TBC1D22A: variants seen among roughly 807,000 people sequenced by gnomAD.
TBC1D22A encodes TBC1 domain family member 22A, also known as putative GTPase activator.
A neutral mutation model predicts 60.2 loss-of-function variants in TBC1D22A; 38 were observed. The observed-to-expected ratio is 0.63, with a 90% CI of 0.49 to 0.83. TBC1D22A has a LOEUF of 0.83. Among genes scored for constraint, TBC1D22A ranks in the 40% least tolerant of loss-of-function variants. TBC1D22A has a pLI of 0.00. For synonymous variants in TBC1D22A, 302 were observed against 281.7 expected (o/e 1.07, Z -0.72); for missense variants, 628 against 701.0 (o/e 0.90, Z 1.18).
At chr22:47,064,239 G>A (rs1452316213) in intron 11 of TBC1D22A, among the ~76,000 whole-genome samples, 1 of 152,234 alleles carries the variant, frequency 6.6e-6, no homozygotes, top group Admixed American at 6.5e-5. Context: ...CTCCTCTCCC[G>A]CTCAGCAGTT....
intron 11 of TBC1D22A, among the ~76,000 whole-genome samples, chr22:47,081,249 A>G (rs1399783871): frequency 1.3e-5 from 2 of 152,204 alleles, no homozygotes; most frequent in Non-Finnish European, 2.9e-5. Flanking sequence ...GGGGAAAACC[A>G]TATGACCATG....
At chr22:47,137,444 A>C (rs2066916533) in intron 12 of TBC1D22A, among the ~76,000 whole-genome samples, 1 of 152,130 alleles carries the variant, frequency 6.6e-6, no homozygotes, top group African/African-American at 2.4e-5. Flanking sequence ...ACTGCCCCTT[A>C]GCGAGGAGCC....
intron 8 of TBC1D22A, among the ~76,000 whole-genome samples, chr22:46,937,588 A>C (rs969213951): frequency 6.6e-6 from 1 of 152,246 alleles, no homozygotes; most frequent in African/African-American, 2.4e-5. Flanking sequence ...CTTCTAAAAA[A>C]AAAGTTATTT....
At chr22:46,769,578 C>T (rs146962902) in intron 1 of TBC1D22A, among the ~76,000 whole-genome samples, 2 of 152,182 alleles carry the variant, frequency 1.3e-5, no homozygotes, top group Non-Finnish European at 2.9e-5. Flanking sequence ...CAGCAGGAAC[C>T]GATCTGGCTG....
At chr22:46,934,439 G>A (rs1051299847) in intron 8 of TBC1D22A, among the ~76,000 whole-genome samples, 1 of 152,188 alleles carries the variant, frequency 6.6e-6, no homozygotes, top group Non-Finnish European at 1.5e-5. Flanking sequence ...TATCTTGGAG[G>A]GTTGTTAGGA....
intron 9 of TBC1D22A, among the ~76,000 whole-genome samples, chr22:46,981,963 A>G (rs1233309463): frequency 1.3e-5 from 2 of 152,132 alleles, no homozygotes; most frequent in African/African-American, 4.8e-5. Flanking sequence ...ACCAGCAGTT[A>G]CTAGGGAGCC....
At chr22:47,116,151 C>T (rs1263444000) in intron 12 of TBC1D22A, 1 of 152,272 alleles carries the variant, frequency 6.6e-6, no homozygotes, top group Non-Finnish European at 1.5e-5. Context: ...AGGGGGCCGC[C>T]CACGCGGGAT....
At chr22:46,805,026 C>T (rs1169242205) in intron 4 of TBC1D22A, among the ~76,000 whole-genome samples, 2 of 152,160 alleles carry the variant, frequency 1.3e-5, no homozygotes, top group East Asian at 3.8e-4. Context: ...TCCCCAGGGA[C>T]TCATTGCTCC....
At chr22:46,969,057 C>A (rs193118577) in intron 8 of TBC1D22A, among the ~76,000 whole-genome samples, 3 of 152,070 alleles carry the variant, frequency 2.0e-5, no homozygotes, top group Non-Finnish European at 2.9e-5. Context: ...GCCAGCAGCA[C>A]CCCCCACCCT....
intron 12 of TBC1D22A, among the ~76,000 whole-genome samples, chr22:47,160,366 C>T (rs1055243138): frequency 6.6e-6 from 1 of 152,238 alleles, no homozygotes; most frequent in African/African-American, 2.4e-5. Context: ...TCTGCCGTCC[C>T]CCTGGAATCA....
intron 12 of TBC1D22A, among the ~76,000 whole-genome samples, chr22:47,157,172 A>T (rs1247637058): frequency 6.6e-6 from 1 of 152,092 alleles, no homozygotes; most frequent in African/African-American, 2.4e-5. Flanking sequence ...TTCACGTAGG[A>T]ATTATTTCAG....
At chr22:46,801,333 C>T (rs1409212172) in intron 4 of TBC1D22A, among the ~76,000 whole-genome samples, 1 of 152,210 alleles carries the variant, frequency 6.6e-6, no homozygotes, top group Admixed American at 6.5e-5. Context: ...ACGTAAGTGG[C>T]AAATATTTGC....
chr22:46,909,826 C>T (rs1200752500), intron 7 of TBC1D22A, among the ~76,000 whole-genome samples: 2 of 152,146 alleles, frequency 1.3e-5, no homozygotes, highest in East Asian at 1.9e-4. Flanking sequence ...TCTAGTCACA[C>T]GCCGTCCCCT....
chr22:46,863,883 A>G (rs1411383714), intron 4 of TBC1D22A, among the ~76,000 whole-genome samples: 1 of 152,038 alleles, frequency 6.6e-6, no homozygotes, highest in Non-Finnish European at 1.5e-5. Context: ...CCTCATGGAC[A>G]TCTCTTATGT....
At chr22:46,862,573 C>T (rs189685805) in intron 4 of TBC1D22A, among the ~76,000 whole-genome samples, 13 of 152,238 alleles carry the variant, frequency 8.5e-5, no homozygotes, top group Admixed American at 3.9e-4. Flanking sequence ...TGCTGTTCAG[C>T]CCCGGGAGCC....
intron 12 of TBC1D22A, among the ~76,000 whole-genome samples, chr22:47,140,732 C>G (rs964347106): frequency 6.6e-6 from 1 of 152,220 alleles, no homozygotes; most frequent in African/African-American, 2.4e-5. Context: ...GCCCTGGCGG[C>G]TTGGGCCTGG....
chr22:47,014,396 G>C (rs188347845), intron 10 of TBC1D22A, among the ~76,000 whole-genome samples: 1 of 152,134 alleles, frequency 6.6e-6, no homozygotes. Flanking sequence ...CTCAGTCTGC[G>C]CTGCCCCAGA....
chr22:47,136,051 G>C (rs1197489718), intron 12 of TBC1D22A, among the ~76,000 whole-genome samples: 1 of 152,218 alleles, frequency 6.6e-6, no homozygotes, highest in Non-Finnish European at 1.5e-5. Context: ...AGTGGAAAAG[G>C]AAAGGAATGA....
chr22:47,042,405 A>AGG (rs914636711), intron 11 of TBC1D22A, among the ~76,000 whole-genome samples: 3 of 133,304 alleles, frequency 2.3e-5, no homozygotes, highest in African/African-American at 9.1e-5. Context: ...CCTGTATGAG[A>AGG]GAGAGAGAGA....
Sources: gnomAD v4.1 joint callset for allele counts (sites outside exome capture counted in the v4.1 genomes callset) on GRCh38, gnomAD v4.1.1 for gene constraint, MANE v1.5 for transcripts, NCBI Gene and HGNC (gene_info 2026-07-23, HGNC 2026-07-21) for gene names.